PTPRD: variants seen among roughly 807,000 people sequenced by gnomAD.
PTPRD encodes the protein receptor-type tyrosine-protein phosphatase delta.
A neutral mutation model predicts 214.5 loss-of-function variants in PTPRD; 34 were observed. The observed-to-expected ratio is 0.16, with a 90% CI of 0.12 to 0.21. The LOEUF (loss-of-function observed/expected upper bound fraction) is 0.21, where lower values mean the gene tolerates loss of function less well. Ranked by LOEUF, PTPRD falls within the 10% of genes least tolerant of loss-of-function variation. The pLI, the probability that PTPRD is intolerant of heterozygous loss-of-function variation, is 1.00. For synonymous variants in PTPRD, 1,128 were observed against 845.7 expected (o/e 1.33, Z -5.79); for missense variants, 2,545 against 2,398.7 (o/e 1.06, Z -1.27).
chr9:8,537,789 G>A (rs2077315253), intron 14 of PTPRD, among the ~76,000 whole-genome samples: 1 of 151,940 alleles, frequency 6.6e-6, no homozygotes, highest in Non-Finnish European at 1.5e-5. Flanking sequence ...AAACTGTTTA[G>A]AAGCAATGCA....
At chr9:10,059,391 G>A (rs1317419813) in intron 3 of PTPRD, among the ~76,000 whole-genome samples, 3 of 152,068 alleles carry the variant, frequency 2.0e-5, no homozygotes, top group African/African-American at 4.8e-5. Flanking sequence ...AGTCACAATT[G>A]CAGCATCCAT....
At chr9:9,142,010 G>A (rs1008620438) in intron 10 of PTPRD, among the ~76,000 whole-genome samples, 3 of 152,166 alleles carry the variant, frequency 2.0e-5, no homozygotes, top group South Asian at 2.1e-4. Flanking sequence ...TCCTTATAGC[G>A]ATTATCTTAG....
intron 8 of PTPRD, among the ~76,000 whole-genome samples, chr9:9,466,094 T>A (rs1029420931): frequency 7.9e-5 from 12 of 152,062 alleles, no homozygotes; most frequent in Non-Finnish European, 1.3e-4. Context: ...GATCTCTTGA[T>A]CCCAGGAGTT....
At chr9:9,489,941 G>A (rs34162754) in intron 8 of PTPRD, among the ~76,000 whole-genome samples, 15,760 of 151,932 alleles carry the variant, frequency 0.1, 867 homozygotes, top group South Asian at 0.14. Flanking sequence ...AAAGAAACTC[G>A]CATCAAGACA....
intron 8 of PTPRD, among the ~76,000 whole-genome samples, chr9:9,481,473 G>A (rs1173654067): frequency 6.6e-6 from 1 of 152,178 alleles, no homozygotes; most frequent in African/African-American, 2.4e-5. Flanking sequence ...ATCAGACACA[G>A]TAGGTAGGAC....
At chr9:9,768,798 A>G (rs1360886162) in intron 5 of PTPRD, among the ~76,000 whole-genome samples, 4 of 152,236 alleles carry the variant, frequency 2.6e-5, no homozygotes, top group African/African-American at 7.2e-5. Context: ...CTGAATAGTC[A>G]GCATTACTGC....
rs562035285 is a variant in PTPRD at position 10,496,101 on chromosome 9, C to A, written c.-600+116297G>T. Among the ~76,000 whole-genome samples, 7 of 151,596 alleles carry A rather than the reference C, an allele frequency of 4.6e-5. No individual in the cohort carries two copies. In the South Asian group the frequency reaches 1.5e-3, roughly 32 times the overall value. ...ACTATTTCAATATGTAGAAACAAAA[C>A]CATAATTTCATAATATTTTAACATT... On this transcript the variant is annotated intron_variant, in intron 2 of 45. Coordinates refer to ENST00000381196, the MANE Select transcript of PTPRD (RefSeq NM_002839.4).
chr9:8,658,974 C>T (rs75505271), intron 12 of PTPRD, among the ~76,000 whole-genome samples: 13,390 of 152,138 alleles, frequency 0.088, 710 homozygotes, highest in East Asian at 0.18. Flanking sequence ...CTCCTCTAAT[C>T]GTTCATGATT....
chr9:10,422,525 T>G (rs556592642), intron 2 of PTPRD, among the ~76,000 whole-genome samples: 27 of 151,984 alleles, frequency 1.8e-4, no homozygotes, highest in Middle Eastern at 3.4e-3. Context: ...ACAGGCAACC[T>G]ACAGAATGGG....
intron 3 of PTPRD, among the ~76,000 whole-genome samples, chr9:10,199,270 G>C (rs943219944): frequency 7.2e-5 from 11 of 152,054 alleles, no homozygotes; most frequent in Non-Finnish European, 1.3e-4. Flanking sequence ...TTAGTGTATA[G>C]TTAGTTCTTT....
rs1003819572 is a variant in PTPRD, at chr9:10,612,876, G to C, written c.-896C>G. Among the ~76,000 whole-genome samples the C allele has an allele frequency of 2.6e-5, 4 of 151,954 alleles. No individual in the cohort carries two copies. Among genetic ancestry groups the C allele is most frequent in the African/African-American group, 9.7e-5 (4 of 41,426 alleles). Reference sequence around the variant, plus strand: ...GCAAGGAGGAGGCGAGGCTCTGTCGGGGCGAGGCGCTGCCCCCACGCGCTC... The same window carrying C: ...GCAAGGAGGAGGCGAGGCTCTGTCGCGGCGAGGCGCTGCCCCCACGCGCTC... On this transcript the variant is annotated 5_prime_UTR_variant, in exon 1 of 46. Transcript: ENST00000381196.
chr9:9,485,518 A>G (rs767427789), intron 8 of PTPRD, among the ~76,000 whole-genome samples: 33 of 152,150 alleles, frequency 2.2e-4, no homozygotes, highest in Non-Finnish European at 3.8e-4. Flanking sequence ...GTATGTTTAT[A>G]TAATATTCAC....
rs75940138 is a variant in PTPRD, at chr9:10,268,866, C to G, written c.-545+72097G>C. ...AGAGGGTTGGCTAAATATATTCGCCCATCTAGGGCAGGGATTTTCAGTCTC... is the reference window on the plus strand; with the variant it reads ...AGAGGGTTGGCTAAATATATTCGCCGATCTAGGGCAGGGATTTTCAGTCTC... On this transcript the variant is annotated intron_variant, in intron 3 of 45. Coordinates refer to ENST00000381196, the MANE Select transcript of PTPRD (RefSeq NM_002839.4). Among the ~76,000 whole-genome samples the G allele has an allele frequency of 2.1e-3, 314 of 152,290 alleles. 5 individuals are homozygous for G. The East Asian group carries it at 0.047, about 23-fold the overall frequency.
At chr9:8,817,726 T>C (rs576396770) in intron 11 of PTPRD, among the ~76,000 whole-genome samples, 4 of 152,320 alleles carry the variant, frequency 2.6e-5, no homozygotes, top group African/African-American at 7.2e-5. Context: ...CTAATAAGCA[T>C]ACTGATTATG....
intron 5 of PTPRD, among the ~76,000 whole-genome samples, chr9:9,817,979 G>A (rs966414888): frequency 6.6e-6 from 1 of 152,122 alleles, no homozygotes; most frequent in African/African-American, 2.4e-5. Flanking sequence ...TCTCCTGAGG[G>A]ACTTTCTTCA....
rs146445188 is a variant in PTPRD, at chr9:9,823,610, A to T, written c.-367-56759T>A. Among the ~76,000 whole-genome samples the T allele has an allele frequency of 3.1e-3, 466 of 152,234 alleles. 2 individuals are homozygous for T. The highest frequency in any genetic ancestry group is 0.014 in the Middle Eastern group (4 of 294). On this transcript the variant is annotated intron_variant, in intron 5 of 45. Coordinates refer to ENST00000381196, the MANE Select transcript of PTPRD (RefSeq NM_002839.4). ...GAATGGAACTAGAGAAAATTATGTT[A>T]AATGAAATAATCCAGTTACAGAAAG...
intron 8 of PTPRD, among the ~76,000 whole-genome samples, chr9:9,482,078 C>T (rs2095437341): frequency 6.6e-6 from 1 of 151,994 alleles, no homozygotes; most frequent in African/African-American, 2.4e-5. Flanking sequence ...GTATCTGGCC[C>T]TAGCAGTTCC....
chr9:8,315,005 A>T lies in PTPRD; in HGVS notation c.*2869T>A. 4.3e-6 allele frequency: 1 copy of T among 232,490 alleles called. No homozygotes were observed. The highest frequency in any genetic ancestry group is 2.2e-5 in the African/African-American group (1 of 45,366). 14.4% of individuals were successfully genotyped at this position (232,490 alleles called of 1,614,324 possible). A position where few individuals can be genotyped will look rare whatever the true frequency, so the allele number is the denominator to read the frequency against. ...TTTATATATTTTGATTTTTTTTACCATTGTAACTAATTACAAAATTATACA... is the reference window on the plus strand; with the variant it reads ...TTTATATATTTTGATTTTTTTTACCTTTGTAACTAATTACAAAATTATACA... On this transcript the variant is annotated 3_prime_UTR_variant, in exon 46 of 46. Coordinates refer to ENST00000381196, the MANE Select transcript of PTPRD (RefSeq NM_002839.4).
chr9:8,563,175 T>C (rs2087156613), intron 14 of PTPRD, among the ~76,000 whole-genome samples: 1 of 152,104 alleles, frequency 6.6e-6, no homozygotes, highest in Non-Finnish European at 1.5e-5. Context: ...AAGTCTACAA[T>C]AAAAATTAAT....
Sources: allele counts gnomAD v4.1 joint callset (sites outside exome capture counted in the v4.1 genomes callset), GRCh38; gene constraint gnomAD v4.1.1; transcripts MANE v1.5; gene names NCBI Gene and HGNC (gene_info 2026-07-23, HGNC 2026-07-21).